FARP1: variants seen among roughly 807,000 people sequenced by gnomAD.
FARP1 encodes the protein FERM, ARH/RhoGEF and pleckstrin domain protein 1.
Under a neutral mutation model 128.8 loss-of-function variants are expected in FARP1, and 52 were observed. The ratio of observed to expected loss-of-function variants is 0.40; its 90% CI spans 0.32 to 0.51. FARP1 has a LOEUF of 0.51. Ranked by LOEUF, FARP1 falls within the 20% of genes least tolerant of loss-of-function variation. FARP1 has a pLI of 0.45. For missense variants in FARP1, 1,333 were observed against 1,367.9 expected, an observed-to-expected ratio of 0.97 and a Z score of 0.40; for synonymous variants, 580 against 551.8, an observed-to-expected ratio of 1.05 and a Z score of -0.72.
At chr13:98,345,742 G>A (rs1888154095) in intron 3 of FARP1, 1 of 152,238 alleles carries the variant, frequency 6.6e-6, no homozygotes, top group Non-Finnish European at 1.5e-5. Flanking sequence ...CACCTTCTTT[G>A]TAAAGGGCCA....
intron 5 of FARP1, 123 bp downstream of exon 5, chr13:98,368,318 C>T: frequency 1.4e-6 from 1 of 717,738 alleles, no homozygotes; most frequent in South Asian, 1.8e-5. Flanking sequence ...CTGTTCTGTA[C>T]TGAACAGTTT....
At chr13:98,216,626 A>T (rs1349835962) in intron 2 of FARP1, among the ~76,000 whole-genome samples, 1 of 152,138 alleles carries the variant, frequency 6.6e-6, no homozygotes, top group East Asian at 1.9e-4. Flanking sequence ...TAAAATGCAA[A>T]TCCCCTAAAC....
chr13:98,395,487 C>G lies in FARP1; in HGVS notation c.1414+11C>G, dbSNP rs369938900. 6.7e-5 allele frequency: 105 copies of G among 1,565,818 alleles called. 1 individual carries two copies. The Admixed American group carries it at 1.2e-3, about 18-fold the overall frequency. Reference sequence around the variant, plus strand: ...CGCAGCCAAGCACAGGTCCAGCATCCCGGGCTGCCAGAGGCAGCAGTACTT... The same window carrying G: ...CGCAGCCAAGCACAGGTCCAGCATCGCGGGCTGCCAGAGGCAGCAGTACTT... On this transcript the variant is annotated intron_variant, in intron 13 of 26. Coordinates refer to ENST00000319562, the MANE Select transcript of FARP1 (RefSeq NM_005766.4).
intron 3 of FARP1, among the ~76,000 whole-genome samples, chr13:98,358,794 C>T (rs1309503729): frequency 1.3e-5 from 2 of 152,072 alleles, no homozygotes; most frequent in Non-Finnish European, 2.9e-5. Context: ...TGCCACCACG[C>T]CCGGCTAATT....
intron 2 of FARP1, among the ~76,000 whole-genome samples, chr13:98,280,306 C>G (rs1884869413): frequency 6.6e-6 from 1 of 152,212 alleles, no homozygotes. Context: ...GGTTTTCCAG[C>G]CCAGCCCCGA....
chr13:98,313,138 ACACT>A (rs1200928846), intron 2 of FARP1, among the ~76,000 whole-genome samples: 9 of 121,878 alleles, frequency 7.4e-5, no homozygotes, highest in East Asian at 2.3e-4. Context: ...ACACACACAC[ACACT>A]CACTCGAATC....
intron 2 of FARP1, among the ~76,000 whole-genome samples, chr13:98,318,950 G>GTTTTTTTTTTTTT (rs56166470): frequency 3.5e-3 from 418 of 120,580 alleles, no homozygotes; most frequent in African/African-American, 6.2e-3. Context: ...GTTTTTTCTT[G>GTTTTTTTTTTTTT]TTTTTTTTTT....
intron 5 of FARP1, 64 bp from the exon 6 acceptor site, chr13:98,377,756 GA>G: frequency 8.3e-7 from 1 of 1,200,688 alleles, no homozygotes; most frequent in South Asian, 1.2e-5. Context: ...CTCTCATGGT[GA>G]GGCCAGGTTC....
At chr13:98,428,029 T>G (rs1891851655) in intron 17 of FARP1, among the ~76,000 whole-genome samples, 3 of 152,128 alleles carry the variant, frequency 2.0e-5, no homozygotes, top group Non-Finnish European at 2.9e-5. Flanking sequence ...TAGAGTGTTC[T>G]CGAGCCTGCA....
At chr13:98,388,243 T>C (rs546679100) in intron 8 of FARP1, 140 bp from the exon 9 acceptor site, 1 of 643,334 alleles carries the variant, frequency 1.6e-6, no homozygotes, top group East Asian at 2.8e-5. Flanking sequence ...CCACAGATCC[T>C]GTGAGTTCTC....
intron 1 of FARP1, among the ~76,000 whole-genome samples, chr13:98,200,417 G>A (rs1879867714): frequency 7.1e-6 from 1 of 140,538 alleles, no homozygotes; most frequent in South Asian, 2.2e-4. Flanking sequence ...GTGATTCAGT[G>A]GGGCTGAGCT....
At chr13:98,239,101 T>C (rs1247212773) in intron 2 of FARP1, among the ~76,000 whole-genome samples, 1 of 152,220 alleles carries the variant, frequency 6.6e-6, no homozygotes, top group African/African-American at 2.4e-5. Flanking sequence ...ATCTACAGAC[T>C]ACTTTCAGCA....
chr13:98,313,907 C>T (rs1023889020), intron 2 of FARP1, among the ~76,000 whole-genome samples: 6 of 152,176 alleles, frequency 3.9e-5, no homozygotes, highest in Admixed American at 3.9e-4. Context: ...CGAGAAAAAC[C>T]CACCACCTTG....
chr13:98,273,872 A>G (rs750206811), intron 2 of FARP1, among the ~76,000 whole-genome samples: 18 of 152,254 alleles, frequency 1.2e-4, no homozygotes, highest in South Asian at 6.2e-4. Flanking sequence ...GGTTTGCCTC[A>G]TAACAAAGCT....
At chr13:98,189,014 G>GC (rs1388751823) in intron 1 of FARP1, among the ~76,000 whole-genome samples, 2 of 152,168 alleles carry the variant, frequency 1.3e-5, no homozygotes, top group African/African-American at 4.8e-5. Context: ...TGTCAGACGG[G>GC]CCTCAGGGCA....
At chr13:98,423,105 A>G (rs932751112) in intron 16 of FARP1, among the ~76,000 whole-genome samples, 1 of 152,176 alleles carries the variant, frequency 6.6e-6, no homozygotes, top group Non-Finnish European at 1.5e-5. Flanking sequence ...AGGCCAGTCT[A>G]GTCTTTCCAT....
chr13:98,427,873 C>CA (rs1004467040), intron 17 of FARP1, among the ~76,000 whole-genome samples: 98 of 152,258 alleles, frequency 6.4e-4, no homozygotes, highest in African/African-American at 2.1e-3. Context: ...TGCTGAGAGT[C>CA]ACTGGCAGCC....
At chr13:98,442,180 C>T (rs1892551220) in intron 24 of FARP1, among the ~76,000 whole-genome samples, 3 of 152,328 alleles carry the variant, frequency 2.0e-5, no homozygotes. Context: ...CTTCCAAACG[C>T]AGAAAGGGCC....
rs1298424664 is a variant in FARP1, at chr13:98,176,609, T to G, written c.-24+33117T>G. On this transcript the variant is annotated intron_variant, in intron 1 of 26. Coordinates refer to ENST00000319562, the MANE Select transcript of FARP1 (RefSeq NM_005766.4). This position sits in a 1 kb window ranked among gnomAD's most constrained non-coding sequence, Gnocchi z 6.2. ...GAACGGTCGTGGAGGAATTTGCAGC[T>G]GTCCCCGAAGCCACAGAAGCCAGTC... 6.2e-7 allele frequency: 1 copy of G among 1,614,116 alleles called. No individual in the cohort carries two copies. The highest frequency in any genetic ancestry group is 8.5e-7 in the Non-Finnish European group (1 of 1,180,054).
Sources: allele counts gnomAD v4.1 joint callset (sites outside exome capture counted in the v4.1 genomes callset), GRCh38; gene constraint gnomAD v4.1.1; non-coding constraint Gnocchi (gnomAD v3.1); transcripts MANE v1.5; gene names NCBI Gene and HGNC (gene_info 2026-07-23, HGNC 2026-07-21).